The following DPP6 variants were observed in gnomAD, a reference collection of about 807,000 sequenced individuals.
The protein encoded by DPP6 is A-type potassium channel modulatory protein DPP6.
A neutral mutation model predicts 122.6 loss-of-function variants in DPP6; 69 were observed. The ratio of observed to expected loss-of-function variants is 0.56; its 90% CI spans 0.46 to 0.69. The LOEUF is 0.69. Ranked by LOEUF, DPP6 falls within the 30% of genes least tolerant of loss-of-function variation. DPP6 has a pLI of 0.00. For synonymous variants in DPP6, 418 were observed against 433.1 expected, an observed-to-expected ratio of 0.97 and a Z score of 0.43; for missense variants, 928 against 1,116.9, an observed-to-expected ratio of 0.83 and a Z score of 2.41.
chr7:154,479,749 C>G (rs935209543), intron 3 of DPP6, among the ~76,000 whole-genome samples: 2 of 152,176 alleles, frequency 1.3e-5, no homozygotes, highest in Middle Eastern at 3.4e-3. Context: ...TTGTGCCATT[C>G]TGGGACTCCA....
intron 5 of DPP6, among the ~76,000 whole-genome samples, chr7:154,592,076 C>T (rs990203360): frequency 1.3e-5 from 2 of 152,214 alleles, no homozygotes; most frequent in African/African-American, 4.8e-5. Flanking sequence ...CTTTCGCAGG[C>T]ACCCAGCTCC....
chr7:154,871,849 A>G (rs898953663), intron 18 of DPP6, among the ~76,000 whole-genome samples: 2 of 152,234 alleles, frequency 1.3e-5, no homozygotes, highest in Admixed American at 1.3e-4. Flanking sequence ...TGTAGTTAAC[A>G]TCAACAAATA....
chr7:153,794,648 G>A, the DPP6 span, among the ~76,000 whole-genome samples: 2 of 152,126 alleles, frequency 1.3e-5, no homozygotes, highest in Non-Finnish European at 2.9e-5. Flanking sequence ...GTTTTGATAT[G>A]TGAGGACATG....
chr7:153,889,160 C>T (rs1436844728), intron 1 of DPP6, among the ~76,000 whole-genome samples: 2 of 152,150 alleles, frequency 1.3e-5, no homozygotes, highest in Non-Finnish European at 2.9e-5. Context: ...CTCCCCACTC[C>T]CGAGACGACA....
At chr7:154,147,651 TGTGTG>T (rs1796176520) in intron 1 of DPP6, among the ~76,000 whole-genome samples, 569 of 17,726 alleles carry the variant, frequency 0.032, no homozygotes, top group African/African-American at 0.053. Context: ...AGCTAATTTG[TGTGTG>T]TGTGTGTGTG....
At chr7:153,892,843 G>A (rs1012116364) in intron 1 of DPP6, among the ~76,000 whole-genome samples, 1 of 152,180 alleles carries the variant, frequency 6.6e-6, no homozygotes, top group Non-Finnish European at 1.5e-5. Flanking sequence ...ATGTGTCCCA[G>A]TGGTGTGATA....
chr7:153,876,424 AC>A, the DPP6 span, among the ~76,000 whole-genome samples: 1 of 151,826 alleles, frequency 6.6e-6, no homozygotes, highest in Non-Finnish European at 1.5e-5. Context: ...ACACACACAC[AC>A]ACAGTATCAC....
chr7:154,354,766 C>T (rs138192310), intron 1 of DPP6, among the ~76,000 whole-genome samples: 1 of 152,284 alleles, frequency 6.6e-6, no homozygotes, highest in African/African-American at 2.4e-5. Flanking sequence ...GAATGTAGCA[C>T]CATTTATTCC....
At chr7:154,217,301 T>C (rs1800061217) in intron 1 of DPP6, among the ~76,000 whole-genome samples, 1 of 152,168 alleles carries the variant, frequency 6.6e-6, no homozygotes, top group African/African-American at 2.4e-5. Flanking sequence ...GTCTAGCACA[T>C]GTTAAGTAAG....
chr7:153,988,766 G>T (rs1471039302), intron 1 of DPP6, among the ~76,000 whole-genome samples: 1 of 152,226 alleles, frequency 6.6e-6, no homozygotes, highest in Non-Finnish European at 1.5e-5. Flanking sequence ...CTAGCCTCCA[G>T]CAGTGAGTCG....
chr7:154,116,241 G>A (rs1806975303), intron 1 of DPP6, among the ~76,000 whole-genome samples: 1 of 152,194 alleles, frequency 6.6e-6, no homozygotes, highest in African/African-American at 2.4e-5. Flanking sequence ...GTGGTTAAAT[G>A]AATGAATGAA....
At chr7:153,872,662 G>T in the DPP6 span, among the ~76,000 whole-genome samples, 1 of 152,126 alleles carries the variant, frequency 6.6e-6, no homozygotes. Context: ...TGAGCGACAA[G>T]GTGCTATCAT....
At chr7:154,741,118 G>C (rs1270391196) in intron 8 of DPP6, among the ~76,000 whole-genome samples, 1 of 152,214 alleles carries the variant, frequency 6.6e-6, no homozygotes, top group Non-Finnish European at 1.5e-5. Context: ...GATGCGAGGA[G>C]TCAGATTTCA....
chr7:153,918,566 GTCTC>G lies in DPP6; in HGVS notation c.51+30882_51+30885del, dbSNP rs59605527. 4.1e-3 allele frequency among the ~76,000 whole-genome samples: 424 copies of G among 104,326 alleles called. 2 individuals are homozygous for G. The highest frequency in any genetic ancestry group is 8.0e-3 in the East Asian group (27 of 3,384). 68.4% of individuals were successfully genotyped at this position (104,326 alleles called of 152,430 possible). A position where few individuals can be genotyped will look rare whatever the true frequency, so the allele number is the denominator to read the frequency against. Reference sequence around the variant, plus strand: ...ACACACACACACACACACACACACAGTCTCTCTCTCTCTCTCTCTCTCTCTCTCT... The same window carrying G: ...ACACACACACACACACACACACACAGTCTCTCTCTCTCTCTCTCTCTCTCT... On this transcript the variant is annotated intron_variant, in intron 1 of 25. Coordinates refer to the DPP6 transcript ENST00000404039.
At chr7:153,886,997 T>C (rs1051516122), upstream of DPP6, 1 of 152,196 alleles carries the variant, frequency 6.6e-6, no homozygotes, top group African/African-American at 2.4e-5. Flanking sequence ...GGAGTGGGCG[T>C]CTACCCGAGG....
the DPP6 span, among the ~76,000 whole-genome samples, chr7:153,873,021 C>T: frequency 1.3e-5 from 2 of 152,180 alleles, no homozygotes; most frequent in Non-Finnish European, 2.9e-5. Context: ...TCACAGTGCC[C>T]AGGCTGTACA....
chr7:154,736,407 C>G (rs1396226213), intron 8 of DPP6, among the ~76,000 whole-genome samples: 1 of 152,218 alleles, frequency 6.6e-6, no homozygotes, highest in Non-Finnish European at 1.5e-5. Flanking sequence ...TTCCAATAAA[C>G]TTTATTTGTG....
chr7:154,058,876 A>C (rs1801212917), intron 1 of DPP6: 1 of 132,720 alleles, frequency 7.5e-6, no homozygotes, highest in South Asian at 2.6e-4. Context: ...GTGGGGAGGC[A>C]CCCCCTACGA....
chr7:154,071,914 A>G (rs1047453841), intron 1 of DPP6, among the ~76,000 whole-genome samples: 3 of 152,210 alleles, frequency 2.0e-5, no homozygotes, highest in Non-Finnish European at 4.4e-5. Context: ...CGATCCCTTG[A>G]AAACAGAAAA....
Sources: gnomAD v4.1 joint callset for allele counts (sites outside exome capture counted in the v4.1 genomes callset) on GRCh38, gnomAD v4.1.1 for gene constraint, MANE v1.5 for transcripts, NCBI Gene and HGNC (gene_info 2026-07-23, HGNC 2026-07-21) for gene names.